CYP27C1: variants seen among roughly 807,000 people sequenced by gnomAD.
The protein encoded by CYP27C1 is cytochrome P450 27C1.
Under a neutral mutation model 40.6 loss-of-function variants are expected in CYP27C1, and 29 were observed. That is an observed-to-expected ratio of 0.71 (90% CI 0.53 to 0.97). The LOEUF is 0.97. Ranked by LOEUF, CYP27C1 falls within the 50% of genes least tolerant of loss-of-function variation. CYP27C1 has a pLI of 0.00. For missense variants in CYP27C1, 390 were observed against 485.8 expected, an observed-to-expected ratio of 0.80 and a Z score of 1.85; for synonymous variants, 198 against 186.8, an observed-to-expected ratio of 1.06 and a Z score of -0.49.
chr2:127,219,842 G>C lies in CYP27C1; in HGVS notation c.282+147C>G, dbSNP rs1683513838. On this transcript the variant is annotated intron_variant, in intron 1 of 8. Transcript: ENST00000664447. The surrounding 1 kb of genome is among the most constrained non-coding windows in gnomAD (Gnocchi z 8.7). ...CCCAGTCCAGCTCCCCCAACCCACC[G>C]CGGCGCCCAGTGCCCGGGGATCCCT... The C allele has an allele frequency of 7.0e-6, 1 of 141,968 alleles. No individual in the cohort carries two copies. Among genetic ancestry groups the C allele is most frequent in the Admixed American group, 7.0e-5 (1 of 14,258 alleles). The allele number at this position is 141,968 out of a possible 1,614,324, so 8.8% of individuals were successfully genotyped here.
At chr2:127,187,887 C>G (rs949619032) in intron 8 of CYP27C1, among the ~76,000 whole-genome samples, 8 of 152,302 alleles carry the variant, frequency 5.3e-5, no homozygotes, top group South Asian at 2.1e-4. Context: ...TTTAAATATT[C>G]TTGGTTCGTA....
intron 1 of CYP27C1, among the ~76,000 whole-genome samples, chr2:127,210,186 G>A (rs1018137744): frequency 3.9e-5 from 6 of 152,136 alleles, no homozygotes; most frequent in South Asian, 2.1e-4. Context: ...AACTCTATAC[G>A]CCAGAAGAGA....
In CYP27C1 at chr2:127,186,977, T is replaced by G; in HGVS notation, c.*294A>C. On this transcript the variant is annotated 3_prime_UTR_variant, in exon 9 of 9. Transcript: ENST00000664447. This position sits in a 1 kb window ranked among gnomAD's most constrained non-coding sequence, Gnocchi z 4.5. ...TAAATGCACAGGATACTGCCAGTCA[T>G]TAAATATTGAGTCTAGCACAATGTA... The G allele has an allele frequency of 3.5e-6, 1 of 289,600 alleles. No individual in the cohort carries two copies. The highest frequency in any genetic ancestry group is 6.5e-6 in the Non-Finnish European group (1 of 152,890). 17.9% of individuals were successfully genotyped at this position (289,600 alleles called of 1,614,324 possible).
Position 127,203,561 on chromosome 2 carries a change from G to C in CYP27C1, c.484C>G (p.Gln162Glu). The C allele has an allele frequency of 6.2e-7, 1 of 1,613,246 alleles. No homozygotes were observed. The highest frequency in any genetic ancestry group is 8.5e-7 in the Non-Finnish European group (1 of 1,179,818). The change falls in exon 3 of 9, where the codon CAG becomes GAG. Residue 162 changes from glutamine to glutamate, a missense_variant. Physicochemically the swap from Gln to Glu is conservative, Grantham distance 29. Transcript: ENST00000664447. The stretch of plus-strand genomic sequence containing the variant: ...AATACGCTTCTCATCTTGAGCCACT[G>C]TTCACCCTCCCTAGAAGAATCAAGT... The part of the protein sequence containing the change: ...ATGLISAEGE[Q>E]WLKMRSVLRQ...
In CYP27C1 at chr2:127,184,992, T is replaced by C. The variant is rs1369500260; in HGVS notation, c.*2279A>G. The C allele has an allele frequency of 6.6e-6, 1 of 152,232 alleles. No homozygotes were observed. Among genetic ancestry groups the C allele is most frequent in the Admixed American group, 6.5e-5 (1 of 15,270 alleles). The allele number at this position is 152,232 out of a possible 1,614,324, so 9.4% of individuals were successfully genotyped here. On this transcript the variant is annotated 3_prime_UTR_variant, in exon 9 of 9. Coordinates refer to ENST00000664447, the MANE Select transcript of CYP27C1 (RefSeq NM_001367502.1). ...GCACCACCACACTCAGCTAAGTTTT[T>C]TGATTTTTAGTAGACAGGATCTCAC...
rs1227568115 is a variant in CYP27C1, at chr2:127,187,160, G to A, written c.*111C>T. On this transcript the variant is annotated 3_prime_UTR_variant, in exon 9 of 9. Transcript: ENST00000664447. ...GACCTGGGAGGCCAGTCTATAACAA[G>A]ACAGCCTTTAGCGACATCGCTTTCC... The A allele has an allele frequency of 1.1e-6, 1 of 874,456 alleles. No homozygotes were observed. The highest frequency in any genetic ancestry group is 1.9e-6 in the Non-Finnish European group (1 of 538,332). 54.2% of individuals were successfully genotyped at this position (874,456 alleles called of 1,614,324 possible). A position where few individuals can be genotyped will look rare whatever the true frequency, so the allele number is the denominator to read the frequency against.
intron 1 of CYP27C1, among the ~76,000 whole-genome samples, chr2:127,216,482 A>G (rs1025595494): frequency 1.3e-5 from 2 of 152,234 alleles, no homozygotes; most frequent in African/African-American, 4.8e-5. Flanking sequence ...TCCACTTATG[A>G]CATGTCCAGA....
chr2:127,204,575 A>G lies in CYP27C1; in HGVS notation c.474-1004T>C, dbSNP rs996982122. ...AGAGAGAGAAAGAAAGAAAGAAAGA[A>G]AGAAAGAAAGAAAGAAAGAAAGAAA... On this transcript the variant is annotated intron_variant, in intron 2 of 8. Coordinates refer to ENST00000664447, the MANE Select transcript of CYP27C1 (RefSeq NM_001367502.1). Among the ~76,000 whole-genome samples the G allele has an allele frequency of 1.1e-3, 88 of 80,610 alleles. 1 individual carries two copies. Among genetic ancestry groups the G allele is most frequent in the African/African-American group, 2.8e-3 (50 of 18,094 alleles). 52.9% of individuals were successfully genotyped at this position (80,610 alleles called of 152,430 possible).
Position 127,195,841 on chromosome 2 carries a change from G to A in CYP27C1, c.1048-340C>T, listed in dbSNP as rs67996371. ...GGATGCCGTGGAGCCTGGAGGATCTGCTGGGACTTTGTGTGACCTTCTTTG... is the reference window on the plus strand; with the variant it reads ...GGATGCCGTGGAGCCTGGAGGATCTACTGGGACTTTGTGTGACCTTCTTTG... On this transcript the variant is annotated intron_variant, in intron 5 of 8. Transcript: ENST00000664447. This position sits in a 1 kb window ranked among gnomAD's most constrained non-coding sequence, Gnocchi z 6.2. Among the ~76,000 whole-genome samples, 62,406 of 151,864 alleles carry A rather than the reference G, an allele frequency of 0.41. 13,117 individuals are homozygous for A. Among genetic ancestry groups the A allele is most frequent in the East Asian group, 0.56 (2,883 of 5,112 alleles).
chr2:127,193,899 G>A (rs768630424), intron 6 of CYP27C1, 32 bp from the exon 7 acceptor site: 23 of 1,611,056 alleles, frequency 1.4e-5, no homozygotes, highest in Middle Eastern at 1.7e-4. Context: ...CGGGAATGGC[G>A]TGGTGACTTT....
At chr2:127,207,176 G>A (rs1211090088) in intron 1 of CYP27C1, among the ~76,000 whole-genome samples, 2 of 152,064 alleles carry the variant, frequency 1.3e-5, no homozygotes, top group Non-Finnish European at 2.9e-5. Context: ...ATAAGGTTGG[G>A]CAACATGGCA....
intron 4 of CYP27C1, 113 bp from the exon 5 acceptor site, chr2:127,199,652 G>A (rs1682987415): frequency 8.4e-6 from 10 of 1,191,876 alleles, no homozygotes; most frequent in Non-Finnish European, 9.1e-6. Context: ...AGGTGACAGA[G>A]GGTAAGGAAA....
At chr2:127,213,489 C>T (rs1683372249) in intron 1 of CYP27C1, among the ~76,000 whole-genome samples, 1 of 152,040 alleles carries the variant, frequency 6.6e-6, no homozygotes, top group Non-Finnish European at 1.5e-5. Context: ...TGGAGCAAAA[C>T]AAAGACCTCA....
chr2:127,204,468 GAAA>G (rs879351102), intron 2 of CYP27C1, among the ~76,000 whole-genome samples: 3,627 of 58,656 alleles, frequency 0.062, 370 homozygotes, highest in Admixed American at 0.1. Flanking sequence ...AAGAAAGAAA[GAAA>G]GAAAGAAAGA....
In CYP27C1 at chr2:127,201,423, G is replaced by C; in HGVS notation, c.674-92C>G. 1 of 1,242,586 alleles carries C rather than the reference G, an allele frequency of 8.0e-7. No homozygotes were observed. Among genetic ancestry groups the C allele is most frequent in the Non-Finnish European group, 1.1e-6 (1 of 886,316 alleles). The allele number at this position is 1,242,586 out of a possible 1,614,324, so 77.0% of individuals were successfully genotyped here. A position where few individuals can be genotyped will look rare whatever the true frequency, so the allele number is the denominator to read the frequency against. On this transcript the variant is annotated intron_variant, in intron 3 of 8. Transcript: ENST00000664447. The surrounding 1 kb of genome is among the most constrained non-coding windows in gnomAD (Gnocchi z 6.0). The stretch of plus-strand genomic sequence containing the variant: ...GCCATAAATGCAACTTTCAAACGTG[G>C]TCCAGGTGCCTTTCATGAATGAGGC...
chr2:127,203,168 A>AG (rs1190128086), intron 3 of CYP27C1, among the ~76,000 whole-genome samples: 22 of 138,692 alleles, frequency 1.6e-4, no homozygotes, highest in Admixed American at 1.4e-3. Flanking sequence ...ACTTCATCTC[A>AG]GAAAAAAAAA....
At chr2:127,207,753 C>CTAAAGAAATCTACAAAACATTGTT (rs1442956651) in intron 1 of CYP27C1, among the ~76,000 whole-genome samples, 2 of 152,034 alleles carry the variant, frequency 1.3e-5, no homozygotes, top group Non-Finnish European at 1.5e-5. Context: ...AAAACATTGT[C>CTAAAGAAATCTACAAAACATTGTT]TAAAGAAATC....
intron 8 of CYP27C1, among the ~76,000 whole-genome samples, chr2:127,187,658 G>A (rs1005271262): frequency 1.3e-5 from 2 of 152,196 alleles, no homozygotes; most frequent in African/African-American, 4.8e-5. Context: ...CAGATGCTCA[G>A]ATGACTTAAG....
At chr2:127,203,844 C>T (rs531064272) in intron 2 of CYP27C1, among the ~76,000 whole-genome samples, 7 of 151,824 alleles carry the variant, frequency 4.6e-5, no homozygotes, top group Admixed American at 1.3e-4. Flanking sequence ...AAAAGTAATA[C>T]GACTTCCTTT....
Sources: gnomAD v4.1 joint callset for allele counts (sites outside exome capture counted in the v4.1 genomes callset) on GRCh38, gnomAD v4.1.1 for gene constraint, Gnocchi (gnomAD v3.1) non-coding constraint, MANE v1.5 for transcripts, NCBI Gene and HGNC (gene_info 2026-07-23, HGNC 2026-07-21) for gene names.